AMPH: variants seen among roughly 807,000 people sequenced by gnomAD.
The protein encoded by AMPH is amphiphysin (Stiff-Mann syndrome with breast cancer 128kD autoantigen).
A neutral mutation model predicts 99.1 loss-of-function variants in AMPH; 49 were observed. The ratio of observed to expected loss-of-function variants is 0.49; its 90% CI spans 0.39 to 0.63. The LOEUF is 0.63. Among genes scored for constraint, AMPH ranks in the 20% least tolerant of loss-of-function variants. AMPH has a pLI of 0.00. For synonymous variants in AMPH, 314 were observed against 317.3 expected (o/e 0.99, Z 0.11); for missense variants, 759 against 863.4 (o/e 0.88, Z 1.52).
At chr7:38,406,572 G>T (rs1230614293) in intron 17 of AMPH, among the ~76,000 whole-genome samples, 7 of 152,060 alleles carry the variant, frequency 4.6e-5, no homozygotes, top group Admixed American at 4.6e-4. Flanking sequence ...TGCCAGAGGA[G>T]ACTGACATTT....
At chr7:38,393,486 T>G (rs1242286867) in intron 18 of AMPH, among the ~76,000 whole-genome samples, 1 of 152,146 alleles carries the variant, frequency 6.6e-6, no homozygotes, top group South Asian at 2.1e-4. Flanking sequence ...TCCCGCCTCA[T>G]GCACGGACCT....
At chr7:38,590,813 T>A (rs1367992856) in intron 1 of AMPH, among the ~76,000 whole-genome samples, 1 of 152,146 alleles carries the variant, frequency 6.6e-6, no homozygotes, top group Non-Finnish European at 1.5e-5. Flanking sequence ...CTAAGTGGGA[T>A]AACTCAAAAG....
At chr7:38,549,403 AG>A (rs1791106183) in intron 1 of AMPH, among the ~76,000 whole-genome samples, 1 of 152,242 alleles carries the variant, frequency 6.6e-6, no homozygotes, top group South Asian at 2.1e-4. Context: ...CTGAAAAGGA[AG>A]AAGATGCAGA....
At chr7:38,481,220 T>C (rs1788271941) in intron 5 of AMPH, among the ~76,000 whole-genome samples, 1 of 152,104 alleles carries the variant, frequency 6.6e-6, no homozygotes, top group Non-Finnish European at 1.5e-5. Context: ...CCAAATCTCC[T>C]AAATAAGGGT....
chr7:38,516,474 C>A (rs1453378639), intron 2 of AMPH, among the ~76,000 whole-genome samples: 1 of 152,174 alleles, frequency 6.6e-6, no homozygotes, highest in Non-Finnish European at 1.5e-5. Flanking sequence ...ATGCAGAGGG[C>A]AAGAGCTGAG....
At chr7:38,540,692 C>CAAAAAAAAAAAAAAAAAAAAAAA (rs373768495) in intron 1 of AMPH, among the ~76,000 whole-genome samples, 1 of 19,752 alleles carries the variant, frequency 5.1e-5, no homozygotes, top group African/African-American at 1.8e-4. Context: ...TGACCCCAAG[C>CAAAAAAAAAAAAAAAAAAAAAAA]AAAAAAAAAA....
intron 17 of AMPH, among the ~76,000 whole-genome samples, chr7:38,403,902 T>C (rs1562730295): frequency 6.6e-6 from 1 of 152,140 alleles, no homozygotes; most frequent in Non-Finnish European, 1.5e-5. Context: ...GCACCCCCAG[T>C]GAAAGTGAGC....
rs747955883 is a variant in AMPH at position 38,384,863 on chromosome 7, G to T, written c.2043C>A (p.Thr681=). ...SDWLQYRDLA[T]YKGLFPENFT... The stretch of plus-strand genomic sequence containing the variant: ...AGTTCTCTGGAAAGAGGCCTTTGTA[G>T]GTGGCAAGGTCTCTGTACTGAAGCC... The change falls in exon 21 of 21, where the codon ACC becomes ACA. Residue 681 remains threonine (T), a synonymous_variant. Coordinates refer to ENST00000356264, the MANE Select transcript of AMPH (RefSeq NM_001635.4). 2 of 1,614,056 alleles carry T rather than the reference G, an allele frequency of 1.2e-6. No individual in the cohort carries two copies. The highest frequency in any genetic ancestry group is 2.2e-5 in the South Asian group (2 of 91,068).
At chr7:38,481,259 T>C (rs997824078) in intron 5 of AMPH, among the ~76,000 whole-genome samples, 1 of 152,152 alleles carries the variant, frequency 6.6e-6, no homozygotes, top group African/African-American at 2.4e-5. Context: ...CTTTTTTTAA[T>C]GGAAAATTAT....
At chr7:38,521,231 T>C (rs535964947) in intron 2 of AMPH, among the ~76,000 whole-genome samples, 8 of 152,176 alleles carry the variant, frequency 5.3e-5, no homozygotes, top group Non-Finnish European at 1.0e-4. Context: ...TGTAAAAATG[T>C]ATGTGTGGGC....
At chr7:38,621,351 G>A (rs1247341889) in intron 1 of AMPH, among the ~76,000 whole-genome samples, 1 of 152,160 alleles carries the variant, frequency 6.6e-6, no homozygotes. Flanking sequence ...CTGCTGCTCT[G>A]TATGCTCAAC....
chr7:38,442,100 A>C (rs1786578691), intron 11 of AMPH, among the ~76,000 whole-genome samples: 1 of 151,862 alleles, frequency 6.6e-6, no homozygotes, highest in Non-Finnish European at 1.5e-5. Context: ...GGCCTATTGG[A>C]AGTGGAAGGT....
rs115067704 is a variant in AMPH at position 38,556,901 on chromosome 7, G to T, written c.70-21890C>A. 2.6e-3 allele frequency among the ~76,000 whole-genome samples: 390 copies of T among 152,314 alleles called. 5 individuals carry two copies. Among genetic ancestry groups the T allele is most frequent in the African/African-American group, 8.9e-3 (368 of 41,566 alleles). On this transcript the variant is annotated intron_variant, in intron 1 of 20. Transcript: ENST00000356264. ...AACTAACTCTTGGGTACCATGCTCA[G>T]TATCTGGGCGTACATATGCTTAAGC...
intron 5 of AMPH, among the ~76,000 whole-genome samples, chr7:38,487,728 A>G (rs551197530): frequency 1.3e-5 from 2 of 152,268 alleles, no homozygotes; most frequent in African/African-American, 4.8e-5. Flanking sequence ...TCATCAGAGT[A>G]AACAGACAAC....
chr7:38,553,406 C>T (rs1791246325), intron 1 of AMPH, among the ~76,000 whole-genome samples: 1 of 152,190 alleles, frequency 6.6e-6, no homozygotes, highest in South Asian at 2.1e-4. Flanking sequence ...TTCCAGTGTA[C>T]CCATCCTGAA....
Position 38,535,028 on chromosome 7 carries a change from A to G in AMPH, c.70-17T>C, listed in dbSNP as rs1790546674. 6.2e-7 allele frequency: 1 copy of G among 1,601,512 alleles called. No individual in the cohort carries two copies. The highest frequency in any genetic ancestry group is 1.7e-5 in the Admixed American group (1 of 59,946). ...TTGGAGGACCTAATTTGCAAATAAA[A>G]CAAAATGGTTTAATTTAATAATGTT... On this transcript the variant is annotated splice_polypyrimidine_tract_variant and intron_variant, in intron 1 of 20. Coordinates refer to ENST00000356264, the MANE Select transcript of AMPH (RefSeq NM_001635.4).
intron 5 of AMPH, among the ~76,000 whole-genome samples, chr7:38,478,979 T>C (rs886562174): frequency 7.2e-5 from 11 of 152,008 alleles, no homozygotes; most frequent in Admixed American, 2.0e-4. Context: ...AGACCTACAA[T>C]GTAATATAAA....
In AMPH at chr7:38,610,257, A is replaced by G. The variant is rs904210868; in HGVS notation, c.69+21026T>C. Among the ~76,000 whole-genome samples, 38 of 31,176 alleles carry G rather than the reference A, an allele frequency of 1.2e-3. 2 individuals are homozygous for G. Among genetic ancestry groups the G allele is most frequent in the Middle Eastern group, 9.8e-3 (1 of 102 alleles). 20.5% of individuals were successfully genotyped at this position (31,176 alleles called of 152,430 possible). A position where few individuals can be genotyped will look rare whatever the true frequency, so the allele number is the denominator to read the frequency against. ...CTCAAAAAAAAAAAAAAAAAAAAAA[A>G]AAAAAAGAAAGAAAGAAAGAAAGAA... On this transcript the variant is annotated intron_variant, in intron 1 of 20. Coordinates refer to ENST00000356264, the MANE Select transcript of AMPH (RefSeq NM_001635.4).
chr7:38,557,173 G>A (rs890135806), intron 1 of AMPH, among the ~76,000 whole-genome samples: 3 of 152,070 alleles, frequency 2.0e-5, no homozygotes, highest in Non-Finnish European at 4.4e-5. Flanking sequence ...ACAAAGGCGC[G>A]GGAATAGCTA....
Sources: gnomAD v4.1 joint callset for allele counts (sites outside exome capture counted in the v4.1 genomes callset) on GRCh38, gnomAD v4.1.1 for gene constraint, MANE v1.5 for transcripts, NCBI Gene and HGNC (gene_info 2026-07-23, HGNC 2026-07-21) for gene names.